LHFPL3: variants seen among roughly 807,000 people sequenced by gnomAD.
The protein encoded by LHFPL3 is LHFPL tetraspan subfamily member 3.
Under a neutral mutation model 19.3 loss-of-function variants are expected in LHFPL3, and 5 were observed. That is an observed-to-expected ratio of 0.26 (90% CI 0.14 to 0.54). The LOEUF (loss-of-function observed/expected upper bound fraction) is 0.54, where lower values mean the gene tolerates loss of function less well. Among genes scored for constraint, LHFPL3 ranks in the 20% least tolerant of loss-of-function variants. LHFPL3 has a pLI of 0.94. For synonymous variants in LHFPL3, 133 were observed against 126.2 expected, an observed-to-expected ratio of 1.05 and a Z score of -0.36; for missense variants, 249 against 307.4, an observed-to-expected ratio of 0.81 and a Z score of 1.42.
chr7:104,486,174 G>A (rs1345959071), intron 1 of LHFPL3, among the ~76,000 whole-genome samples: 1 of 152,144 alleles, frequency 6.6e-6, no homozygotes, highest in Non-Finnish European at 1.5e-5. Context: ...ATGTATTCCT[G>A]TAAAACATTC....
chr7:104,783,943 G>A (rs544988983), intron 2 of LHFPL3, among the ~76,000 whole-genome samples: 5 of 152,250 alleles, frequency 3.3e-5, no homozygotes, highest in South Asian at 4.1e-4. Flanking sequence ...CAGAAGTGAC[G>A]CTAGTTTGCA....
At chr7:104,668,053 A>G in intron 1 of LHFPL3, 1 of 1,613,722 alleles carries the variant, frequency 6.2e-7, no homozygotes, top group Non-Finnish European at 8.5e-7. Flanking sequence ...TTTCTAGGAA[A>G]CCTACCCTAT....
chr7:104,603,070 C>CTTTCTTTCTT (rs1562947425), intron 1 of LHFPL3, among the ~76,000 whole-genome samples: 1 of 58,718 alleles, frequency 1.7e-5, no homozygotes, highest in Non-Finnish European at 4.4e-5. Flanking sequence ...CTTTCTTTTT[C>CTTTCTTTCTT]TTTCTTTCTT....
intron 2 of LHFPL3, among the ~76,000 whole-genome samples, chr7:104,869,979 A>C: frequency 6.6e-6 from 1 of 152,118 alleles, no homozygotes; most frequent in Non-Finnish European, 1.5e-5. Flanking sequence ...TTCTCAGCAA[A>C]CTATCACAAG....
chr7:104,400,042 TA>T (rs1180997081), intron 1 of LHFPL3, among the ~76,000 whole-genome samples: 5 of 130,002 alleles, frequency 3.8e-5, no homozygotes, highest in African/African-American at 1.5e-4. Flanking sequence ...AGGCGGAGGT[TA>T]CAGTGAGCCG....
At position 104,328,630 on chromosome 7, in the gene LHFPL3, G is replaced by A. The variant is rs1037861053; in HGVS notation, c.-150G>A. On this transcript the variant is annotated 5_prime_UTR_variant, in exon 1 of 3. Transcript: ENST00000424859. The surrounding 1 kb of genome is among the most constrained non-coding windows in gnomAD (Gnocchi z 4.6). ...TCCCCCGCCCTCCTTCCGGGAGCGA[G>A]GATGCAGACTCTGAAACTGGTGCTG... is the stretch of plus-strand genomic sequence containing the variant. 10 of 693,328 alleles carry A rather than the reference G, an allele frequency of 1.4e-5. No homozygotes were observed. Among genetic ancestry groups the A allele is most frequent in the Admixed American group, 8.1e-5 (3 of 37,048 alleles). The allele number at this position is 693,328 out of a possible 1,614,324, so 42.9% of individuals were successfully genotyped here.
At chr7:104,507,806 A>G (rs1473572068) in intron 1 of LHFPL3, among the ~76,000 whole-genome samples, 5 of 126,050 alleles carry the variant, frequency 4.0e-5, no homozygotes, top group African/African-American at 1.5e-4. Context: ...AAGGACATGA[A>G]CAGACACTTC....
chr7:104,554,726 T>C (rs1794730283), intron 1 of LHFPL3, among the ~76,000 whole-genome samples: 2 of 152,018 alleles, frequency 1.3e-5, no homozygotes, highest in Admixed American at 1.3e-4. Flanking sequence ...ATTATGGAAA[T>C]TGGCTTATGC....
chr7:104,503,595 G>T, intron 1 of LHFPL3, among the ~76,000 whole-genome samples: 1 of 151,396 alleles, frequency 6.6e-6, no homozygotes, highest in African/African-American at 2.4e-5. Context: ...TTTGAGACTG[G>T]GTCTCACCCT....
intron 2 of LHFPL3, among the ~76,000 whole-genome samples, chr7:104,814,085 C>T (rs1405799570): frequency 3.3e-5 from 5 of 152,166 alleles, no homozygotes; most frequent in Admixed American, 1.3e-4. Context: ...AGCAATAGAA[C>T]AGCTCAGAGG....
chr7:104,359,955 G>A (rs890316175), intron 1 of LHFPL3, among the ~76,000 whole-genome samples: 13 of 152,222 alleles, frequency 8.5e-5, no homozygotes, highest in African/African-American at 2.9e-4. Flanking sequence ...TGTATCATGT[G>A]TTATAAACTG....
chr7:104,564,242 C>G (rs1468000002), intron 1 of LHFPL3, among the ~76,000 whole-genome samples: 1 of 152,316 alleles, frequency 6.6e-6, no homozygotes, highest in South Asian at 2.1e-4. Flanking sequence ...ACCACTGCTT[C>G]TACTGAATGA....
At chr7:104,360,101 A>G (rs536619115) in intron 1 of LHFPL3, among the ~76,000 whole-genome samples, 1 of 152,226 alleles carries the variant, frequency 6.6e-6, no homozygotes, top group African/African-American at 2.4e-5. Flanking sequence ...CAGCACAGTT[A>G]TTCCCAGAGC....
intron 1 of LHFPL3, among the ~76,000 whole-genome samples, chr7:104,663,063 T>C (rs758981315): frequency 6.6e-6 from 1 of 152,226 alleles, no homozygotes; most frequent in Non-Finnish European, 1.5e-5. Flanking sequence ...TTTGTATGCC[T>C]ATTCTGTCAG....
intron 1 of LHFPL3, among the ~76,000 whole-genome samples, chr7:104,397,419 C>T (rs1182384381): frequency 6.6e-6 from 1 of 151,808 alleles, no homozygotes. Flanking sequence ...AATTTTTTAC[C>T]TTTTCACCAC....
intron 2 of LHFPL3, among the ~76,000 whole-genome samples, chr7:104,873,202 T>G (rs1323617526): frequency 6.6e-6 from 1 of 152,242 alleles, no homozygotes; most frequent in Non-Finnish European, 1.5e-5. Flanking sequence ...GCTGAAGCAC[T>G]GGGCTGCTTA....
chr7:104,865,370 A>G (rs1231411925), intron 2 of LHFPL3, among the ~76,000 whole-genome samples: 1 of 152,220 alleles, frequency 6.6e-6, no homozygotes, highest in Non-Finnish European at 1.5e-5. Flanking sequence ...CAGTGCAGAG[A>G]AGTCCTTAAA....
chr7:104,634,158 C>G (rs1395772873), intron 1 of LHFPL3, among the ~76,000 whole-genome samples: 1 of 152,170 alleles, frequency 6.6e-6, no homozygotes, highest in Non-Finnish European at 1.5e-5. Context: ...AACATTTATT[C>G]ATAAAATATG....
chr7:104,695,108 G>T (rs1792975053), intron 1 of LHFPL3, among the ~76,000 whole-genome samples: 1 of 142,852 alleles, frequency 7.0e-6, no homozygotes, highest in Admixed American at 7.3e-5. Context: ...GACTCCACAA[G>T]ATTTCTTTCA....
Sources: allele counts gnomAD v4.1 joint callset (sites outside exome capture counted in the v4.1 genomes callset), GRCh38; gene constraint gnomAD v4.1.1; non-coding constraint Gnocchi (gnomAD v3.1); transcripts MANE v1.5; gene names NCBI Gene and HGNC (gene_info 2026-07-23, HGNC 2026-07-21).